CUL5: variants seen among roughly 807,000 people sequenced by gnomAD.
CUL5 encodes the protein cullin 5, also known as cullin-5.
A neutral mutation model predicts 108.8 loss-of-function variants in CUL5; 26 were observed. The ratio of observed to expected loss-of-function variants is 0.24; its 90% CI spans 0.18 to 0.33. The LOEUF (loss-of-function observed/expected upper bound fraction) is 0.33, where lower values mean the gene tolerates loss of function less well. Ranked by LOEUF, CUL5 falls within the 10% of genes least tolerant of loss-of-function variation. CUL5 has a pLI of 1.00. For missense variants in CUL5, 524 were observed against 909.2 expected (o/e 0.58, Z 5.45); for synonymous variants, 334 against 298.0 (o/e 1.12, Z -1.25).
chr11:108,096,096 GAAAA>G (rs776430763), intron 16 of CUL5, among the ~76,000 whole-genome samples: 1 of 125,956 alleles, frequency 7.9e-6, no homozygotes, highest in Non-Finnish European at 1.7e-5. Context: ...AACTCCGTCT[GAAAA>G]AAAAAAAAAA....
chr11:108,096,869 A>G (rs558993962), intron 16 of CUL5, among the ~76,000 whole-genome samples: 2 of 152,164 alleles, frequency 1.3e-5, no homozygotes, highest in African/African-American at 4.8e-5. Context: ...CCTCAGATAC[A>G]TACTTAATTT....
chr11:108,031,938 A>G (rs955158836), intron 1 of CUL5, among the ~76,000 whole-genome samples: 2 of 152,200 alleles, frequency 1.3e-5, no homozygotes, highest in African/African-American at 4.8e-5. Flanking sequence ...CAAATATTGC[A>G]TGTTCTCACT....
At chr11:108,061,974 A>G (rs1157358233) in intron 7 of CUL5, among the ~76,000 whole-genome samples, 1 of 152,188 alleles carries the variant, frequency 6.6e-6, no homozygotes, top group Admixed American at 6.5e-5. Context: ...TCCCTGTCAC[A>G]AGAACAGCAT....
In CUL5 at chr11:108,104,440, A is replaced by G. The variant is rs1591340668; in HGVS notation, c.*56A>G. ...CAAATTTTGGAGTGCTTGGGCAGAA[A>G]GTTGTAAAGTTTGTGCTGGAGAAAG... On this transcript the variant is annotated 3_prime_UTR_variant, in exon 19 of 19. Coordinates refer to ENST00000393094, the MANE Select transcript of CUL5 (RefSeq NM_003478.6). 1 of 1,128,164 alleles carries G rather than the reference A, an allele frequency of 8.9e-7. No individual in the cohort carries two copies. The highest frequency in any genetic ancestry group is 2.8e-5 in the Admixed American group (1 of 36,016). The allele number at this position is 1,128,164 out of a possible 1,614,324, so 69.9% of individuals were successfully genotyped here.
In CUL5 at chr11:108,054,700, G is replaced by C; in HGVS notation, c.607G>C (p.Glu203Gln). 1 of 1,608,634 alleles carries C rather than the reference G, an allele frequency of 6.2e-7. No individual in the cohort carries two copies. The highest frequency in any genetic ancestry group is 8.5e-7 in the Non-Finnish European group (1 of 1,175,954). ...DKLQIYRDNF[E>Q]KAYLDSTERF... ...ACTTCAAATTTATAGGGACAATTTT[G>C]AGAAGGCATACTTGGATTCAACAGA... Residue 203 changes from glutamate (E) to glutamine (Q), a missense_variant, in exon 6 of 19, where the codon GAG becomes CAG. Glu to Gln is a conservative substitution (Grantham distance 29). Around this residue, in one of 8 missense-constraint regions of CUL5, gnomAD observed 170 missense variants for 305.1 expected, o/e 0.56. Coordinates refer to ENST00000393094, the MANE Select transcript of CUL5 (RefSeq NM_003478.6).
rs534785444 is a variant in CUL5 at position 108,009,470 on chromosome 11, G to T, written c.24+98G>T. On this transcript the variant is annotated intron_variant, in intron 1 of 18. Transcript: ENST00000393094. ...AGGTTCAGCTGCGAAGTGTGGGAGT[G>T]TTCAGGGGTTGTCCACTGGCAGGGA... 2.5e-5 allele frequency: 33 copies of T among 1,341,234 alleles called. No homozygotes were observed. In the Admixed American group the frequency reaches 3.4e-4, roughly 14 times the overall value. 83.1% of individuals were successfully genotyped at this position (1,341,234 alleles called of 1,614,324 possible).
At chr11:108,071,429 A>G (rs1565257721) in intron 8 of CUL5, among the ~76,000 whole-genome samples, 3 of 151,834 alleles carry the variant, frequency 2.0e-5, no homozygotes, top group Non-Finnish European at 4.4e-5. Context: ...TGCCTGGCTA[A>G]TTTTTGTATT....
rs1313207476 is a variant in CUL5, at chr11:108,105,689, G to C, written c.*1305G>C. ...ACTTGAGGACGTGAACAACTTGAAA[G>C]AGAAAATTGATTCCCCTTGAGGAAA... On this transcript the variant is annotated 3_prime_UTR_variant, in exon 19 of 19. Transcript: ENST00000393094. 1 of 152,142 alleles carries C rather than the reference G, an allele frequency of 6.6e-6. No individual in the cohort carries two copies. Among genetic ancestry groups the C allele is most frequent in the Non-Finnish European group, 1.5e-5 (1 of 67,990 alleles). 9.4% of individuals were successfully genotyped at this position (152,142 alleles called of 1,614,324 possible). A position where few individuals can be genotyped will look rare whatever the true frequency, so the allele number is the denominator to read the frequency against.
intron 3 of CUL5, among the ~76,000 whole-genome samples, chr11:108,048,627 T>TG (rs1863125514): frequency 1.4e-5 from 2 of 143,964 alleles, no homozygotes; most frequent in Non-Finnish European, 3.0e-5. Context: ...ACTCTAATAG[T>TG]GGGGAAATAG....
At chr11:108,030,872 G>A (rs1304928035) in intron 1 of CUL5, among the ~76,000 whole-genome samples, 5 of 152,220 alleles carry the variant, frequency 3.3e-5, no homozygotes, top group South Asian at 2.1e-4. Flanking sequence ...AAGAGATTCC[G>A]ATCCAGTAGG....
intron 2 of CUL5, among the ~76,000 whole-genome samples, chr11:108,041,880 C>T (rs554890586): frequency 6.6e-6 from 1 of 152,326 alleles, no homozygotes. Context: ...GCGTGAACCA[C>T]CGCACCAGGC....
intron 2 of CUL5, among the ~76,000 whole-genome samples, chr11:108,039,570 T>C (rs1306286129): frequency 1.3e-5 from 2 of 152,218 alleles, no homozygotes; most frequent in African/African-American, 4.8e-5. Flanking sequence ...ATCAACACAG[T>C]CCATTCCCCA....
chr11:108,013,510 C>T (rs1020567552), intron 1 of CUL5, among the ~76,000 whole-genome samples: 1 of 152,102 alleles, frequency 6.6e-6, no homozygotes, highest in Non-Finnish European at 1.5e-5. Context: ...TACATGTGTG[C>T]GTACACACTC....
intron 2 of CUL5, among the ~76,000 whole-genome samples, chr11:108,041,458 G>A (rs1001831421): frequency 2.0e-5 from 3 of 150,158 alleles, no homozygotes; most frequent in Non-Finnish European, 4.4e-5. Flanking sequence ...TGTATTTTTG[G>A]TAGAGACGGG....
At chr11:108,069,207 T>A (rs1426633912) in intron 7 of CUL5, among the ~76,000 whole-genome samples, 1 of 152,166 alleles carries the variant, frequency 6.6e-6, no homozygotes, top group African/African-American at 2.4e-5. Flanking sequence ...TAGTGAGGTA[T>A]GATAGTAGCT....
In CUL5 at chr11:108,106,582, T is replaced by C. The variant is rs2135262527; in HGVS notation, c.*2198T>C. The C allele has an allele frequency of 6.6e-6, 1 of 151,722 alleles. No individual in the cohort carries two copies. The highest frequency in any genetic ancestry group is 6.6e-5 in the Admixed American group (1 of 15,218). The allele number at this position is 151,722 out of a possible 1,614,324, so 9.4% of individuals were successfully genotyped here. On this transcript the variant is annotated 3_prime_UTR_variant, in exon 19 of 19. Transcript: ENST00000393094. ...TTATGTATACAAAAGTTTTAACTAC[T>C]TTTTGGTGTTTATGAAAATCATTTA...
chr11:108,102,691 C>T (rs376620084), intron 18 of CUL5, among the ~76,000 whole-genome samples: 1 of 152,202 alleles, frequency 6.6e-6, no homozygotes, highest in Non-Finnish European at 1.5e-5. Flanking sequence ...TAGTGCCTGA[C>T]TCCCAAGTCT....
intron 1 of CUL5, among the ~76,000 whole-genome samples, chr11:108,016,529 C>T (rs1037822736): frequency 6.6e-6 from 1 of 152,186 alleles, no homozygotes; most frequent in Non-Finnish European, 1.5e-5. Context: ...GGATTACTGG[C>T]GTGAGCTACC....
At chr11:108,041,814 A>C (rs1862925095) in intron 2 of CUL5, among the ~76,000 whole-genome samples, 1 of 151,694 alleles carries the variant, frequency 6.6e-6, no homozygotes. Flanking sequence ...CTGGTCTCGA[A>C]CTCCTAACCT....
Sources: allele counts gnomAD v4.1 joint callset (sites outside exome capture counted in the v4.1 genomes callset), GRCh38; gene constraint gnomAD v4.1.1; regional missense constraint gnomAD v4.1.1; transcripts MANE v1.5; gene names NCBI Gene and HGNC (gene_info 2026-07-23, HGNC 2026-07-21).